The following MICALL2 variants were observed in gnomAD, a reference collection of about 807,000 sequenced individuals.
MICALL2 encodes MICAL-like protein 2.
In MICALL2, 111 loss-of-function variants were observed where a neutral mutation model predicts 91.1. The ratio of observed to expected loss-of-function variants is 1.22; its 90% CI spans 1.04 to 1.43. The LOEUF is 1.43. MICALL2 is among the 40% of genes most tolerant of loss of function. The pLI is 0.00. For synonymous variants in MICALL2, 694 were observed against 525.3 expected (o/e 1.32, Z -4.39); for missense variants, 1,556 against 1,236.0 (o/e 1.26, Z -3.88).
intron 12 of MICALL2, 49 bp from the exon 13 acceptor site, chr7:1,438,029 CCCCCAG>C: frequency 6.4e-7 from 1 of 1,555,146 alleles, no homozygotes. Context: ...GAGTTCATGG[CCCCCAG>C]CCCCAGGACT....
rs1326140762 is a variant in MICALL2, at chr7:1,459,439, C to T, written c.-113G>A. Reference sequence around the variant, plus strand: ...CTGGGACCGCTACGGAACCGCCAGACCCACGGCGCCCAGCCCCAGCTGAGC... The same window carrying T: ...CTGGGACCGCTACGGAACCGCCAGATCCACGGCGCCCAGCCCCAGCTGAGC... On this transcript the variant is annotated 5_prime_UTR_variant, in exon 1 of 17. Transcript: ENST00000297508. 3 of 1,020,896 alleles carry T rather than the reference C, an allele frequency of 2.9e-6. No individual in the cohort carries two copies. Among genetic ancestry groups the T allele is most frequent in the Non-Finnish European group, 3.9e-6 (3 of 765,990 alleles). 63.2% of individuals were successfully genotyped at this position (1,020,896 alleles called of 1,614,324 possible).
chr7:1,435,929 G>A (rs1779945974), intron 15 of MICALL2, among the ~76,000 whole-genome samples: 1 of 151,908 alleles, frequency 6.6e-6, no homozygotes, highest in Admixed American at 6.6e-5. Flanking sequence ...GCGGGCGCCT[G>A]TAGTCCCAGC....
chr7:1,455,104 C>A (rs928060754), intron 1 of MICALL2, among the ~76,000 whole-genome samples: 2 of 152,230 alleles, frequency 1.3e-5, no homozygotes, highest in African/African-American at 4.8e-5. Context: ...CGGCTTCCTG[C>A]GCCACGCACA....
rs757573105 is a variant in MICALL2, at chr7:1,437,967, A to G, written c.2325T>C (p.Asp775=). The change falls in exon 13 of 17, where the codon GAT becomes GAC. Residue 775 remains aspartate (D), a synonymous_variant. Coordinates refer to ENST00000297508, the MANE Select transcript of MICALL2 (RefSeq NM_182924.4). The part of the protein sequence containing the change: ...LRAAEGDDAE[D]SLMVDWFWLI... Reference sequence around the variant, plus strand: ...GCCAGAACCAGTCCACCATGAGGCTATCCTCAGCGTCATCTGGGGAGAGGA... The same window carrying G: ...GCCAGAACCAGTCCACCATGAGGCTGTCCTCAGCGTCATCTGGGGAGAGGA... 10 of 1,550,206 alleles carry G rather than the reference A, an allele frequency of 6.5e-6. No homozygotes were observed. The highest frequency in any genetic ancestry group is 2.0e-5 in the Admixed American group (1 of 51,062).
At position 1,438,151 on chromosome 7, in the gene MICALL2, C is replaced by A. The variant is rs187391312; in HGVS notation, c.2257G>T (p.Ala753Ser). The A allele has an allele frequency of 3.5e-4, 550 of 1,561,414 alleles. 2 individuals are homozygous for A. The African/African-American group carries it at 6.6e-3, about 19-fold the overall frequency. The change falls in exon 12 of 17, where the codon GCC becomes TCC. Residue 753 changes from alanine to serine, a missense_variant. Physicochemically the swap from Ala to Ser is moderately conservative, Grantham distance 99. Coordinates refer to ENST00000297508, the MANE Select transcript of MICALL2 (RefSeq NM_182924.4). ...AGCTCCACGCCGCGGAGCTCCAGGG[C>A]GTCCAGCCGCCTCTCGATGTCCTGC... ...QLQDIERRLD[A>S]LELRGVELEK...
intron 6 of MICALL2, 81 bp from the exon 7 acceptor site, chr7:1,442,565 C>G (rs1780354557): frequency 7.3e-7 from 1 of 1,361,160 alleles, no homozygotes; most frequent in African/African-American, 1.5e-5. Context: ...CCTCTGCCTC[C>G]CTGCAGCTCA....
chr7:1,435,968 C>T (rs1229934002), intron 15 of MICALL2, among the ~76,000 whole-genome samples: 4 of 151,130 alleles, frequency 2.6e-5, no homozygotes, highest in African/African-American at 7.3e-5. Flanking sequence ...AGGAGAATGG[C>T]ATGAACCCTG....
Position 1,438,974 on chromosome 7 carries a change from C to A in MICALL2, c.1988G>T (p.Arg663Leu). The change falls in exon 10 of 17, where the codon CGC (arginine) becomes CTC (leucine). Residue 663 changes from arginine to leucine, a missense_variant. By Grantham distance (102) the Arg-to-Leu change is moderately radical. Coordinates refer to ENST00000297508, the MANE Select transcript of MICALL2 (RefSeq NM_182924.4). ...SLPARSPSPPRRRRLAVPASL... is the reference protein window; with the variant it reads ...SLPARSPSPPLRRRLAVPASL... Reference sequence around the variant, plus strand: ...GGCAGGGACGGCCAGTCTCCTGCGGCGGGGTGGGGAGGGGGACCTGGCTGC... The same window carrying A: ...GGCAGGGACGGCCAGTCTCCTGCGGAGGGGTGGGGAGGGGGACCTGGCTGC... The A allele has an allele frequency of 6.3e-7, 1 of 1,597,224 alleles. No individual in the cohort carries two copies. Among genetic ancestry groups the A allele is most frequent in the Non-Finnish European group, 8.5e-7 (1 of 1,177,630 alleles).
Position 1,452,007 on chromosome 7 carries a change from C to A in MICALL2, c.144-1719G>T, listed in dbSNP as rs1780852085. Among the ~76,000 whole-genome samples the A allele has an allele frequency of 6.6e-6, 1 of 152,178 alleles. No homozygotes were observed. The highest frequency in any genetic ancestry group is 1.5e-5 in the Non-Finnish European group (1 of 68,014). On this transcript the variant is annotated intron_variant, in intron 1 of 16. Transcript: ENST00000297508. This position sits in a 1 kb window ranked among gnomAD's most constrained non-coding sequence, Gnocchi z 6.2. ...GGGGCAGTGGGATGGGGGCTGCAGG[C>A]TGCCCACCTCTCTCCTTAGGAAGCC...
In MICALL2 at chr7:1,445,327, G is replaced by C; in HGVS notation, c.743C>G (p.Ala248Gly). The stretch of plus-strand genomic sequence containing the variant: ...GACCAGACCCGTCAACTTGGGGCTT[G>C]CAGAGGCGGCTGCGGGGAGGTGGCT... Reference protein sequence around the residue: ...CTSHLPAAASASPKLTGLVPR... With the variant: ...CTSHLPAAASGSPKLTGLVPR... The change falls in exon 6 of 17, where the codon GCA becomes GGA. Residue 248 changes from alanine (A) to glycine (G), a missense_variant. Coordinates refer to ENST00000297508, the MANE Select transcript of MICALL2 (RefSeq NM_182924.4). The C allele has an allele frequency of 6.2e-7, 1 of 1,609,484 alleles. No homozygotes were observed. The highest frequency in any genetic ancestry group is 8.5e-7 in the Non-Finnish European group (1 of 1,179,460).
chr7:1,456,585 C>CAAATAAATAAATAAAT lies in MICALL2; in HGVS notation c.143+2583_143+2598dup, dbSNP rs370994107. On this transcript the variant is annotated intron_variant, in intron 1 of 16. Coordinates refer to ENST00000297508, the MANE Select transcript of MICALL2 (RefSeq NM_182924.4). ...TGGGCGACAGAGCTAGACTCTGTCT[C>CAAATAAATAAATAAAT]AAATAAATAAATAAATAAATAAATA... Among the ~76,000 whole-genome samples, 40 of 151,242 alleles carry CAAATAAATAAATAAAT rather than the reference C, an allele frequency of 2.6e-4. No individual in the cohort carries two copies. The South Asian group carries it at 3.8e-3, about 14-fold the overall frequency.
At position 1,438,683 on chromosome 7, in the gene MICALL2, G is replaced by A. The variant is rs200595315; in HGVS notation, c.2122+157C>T. 3.0e-5 allele frequency: 44 copies of A among 1,460,538 alleles called. No individual in the cohort carries two copies. In the East Asian group the frequency reaches 6.0e-4, roughly 20 times the overall value. 90.5% of individuals were successfully genotyped at this position (1,460,538 alleles called of 1,614,324 possible). On this transcript the variant is annotated intron_variant, in intron 10 of 16. Transcript: ENST00000297508. ...AACAGCTAGGGTCTCTATTCATGAGGGCGGGCCTGGGGCACGGGGCTGGGT... is the reference window on the plus strand; with the variant it reads ...AACAGCTAGGGTCTCTATTCATGAGAGCGGGCCTGGGGCACGGGGCTGGGT...
At chr7:1,448,906 C>T (rs1780712970) in intron 2 of MICALL2, 145 bp from the exon 3 acceptor site, 2 of 916,662 alleles carry the variant, frequency 2.2e-6, no homozygotes, top group East Asian at 5.3e-5. Flanking sequence ...GCTCGCGTGG[C>T]CTCCCGGCCT....
In MICALL2 at chr7:1,444,870, C is replaced by T. The variant is rs764510063; in HGVS notation, c.1200G>A (p.Thr400=). Reference sequence around the variant, plus strand: ...ACGGGGTCCAGGCTGGGGGGTCCACCGTGGCTGCAGATGTGGAGCTTGAAC... The same window carrying T: ...ACGGGGTCCAGGCTGGGGGGTCCACTGTGGCTGCAGATGTGGAGCTTGAAC... ...TLSSSSTSAA[T]VDPPAWTPSA... is the part of the protein sequence containing the mutation. Residue 400 remains threonine (T), a synonymous_variant, in exon 6 of 17, where the codon ACG becomes ACA. Coordinates refer to ENST00000297508, the MANE Select transcript of MICALL2 (RefSeq NM_182924.4). 12 of 1,597,122 alleles carry T rather than the reference C, an allele frequency of 7.5e-6. No individual in the cohort carries two copies. Among genetic ancestry groups the T allele is most frequent in the Middle Eastern group, 1.7e-4 (1 of 5,942 alleles).
Position 1,444,832 on chromosome 7 carries a change from G to A in MICALL2, c.1238C>T (p.Thr413Ile). 3 of 1,609,522 alleles carry A rather than the reference G, an allele frequency of 1.9e-6. No individual in the cohort carries two copies. Among genetic ancestry groups the A allele is most frequent in the South Asian group, 1.1e-5 (1 of 90,954 alleles). ...GAAAAACTTATTCCGGGCCTGCTGGGTCCTGGAGGCGGACGGGGTCCAGGC... is the reference window on the plus strand; with the variant it reads ...GAAAAACTTATTCCGGGCCTGCTGGATCCTGGAGGCGGACGGGGTCCAGGC... ...PPAWTPSASR[T>I]QQARNKFFQT... is the part of the protein sequence containing the mutation. The change falls in exon 6 of 17, where the codon ACC becomes ATC. Residue 413 changes from threonine to isoleucine, a missense_variant. Physicochemically the swap from Thr to Ile is moderately conservative, Grantham distance 89. Transcript: ENST00000297508.
chr7:1,440,547 C>A, intron 8 of MICALL2, 44 bp downstream of exon 8: 1 of 1,526,070 alleles, frequency 6.6e-7, no homozygotes, highest in South Asian at 1.1e-5. Context: ...TTATTAAGCA[C>A]CTATGGTGTA....
chr7:1,437,001 G>A, intron 14 of MICALL2, 145 bp from the exon 15 acceptor site: 1 of 550,972 alleles, frequency 1.8e-6, no homozygotes, highest in Non-Finnish European at 3.1e-6. Context: ...GAATGAATGA[G>A]TGAATAAGTG....
At chr7:1,458,761 C>G (rs923910616) in intron 1 of MICALL2, among the ~76,000 whole-genome samples, 3 of 152,354 alleles carry the variant, frequency 2.0e-5, no homozygotes, top group Non-Finnish European at 4.4e-5. Flanking sequence ...CTGGCCACAT[C>G]CCCCCAGGGG....
chr7:1,450,872 G>A (rs1054323977), intron 1 of MICALL2, among the ~76,000 whole-genome samples: 10 of 152,180 alleles, frequency 6.6e-5, no homozygotes, highest in African/African-American at 2.2e-4. Context: ...TGCAGTGAAG[G>A]GTGTCCTTCT....
Sources: gnomAD v4.1 joint callset for allele counts (sites outside exome capture counted in the v4.1 genomes callset) on GRCh38, gnomAD v4.1.1 for gene constraint, Gnocchi (gnomAD v3.1) non-coding constraint, MANE v1.5 for transcripts, NCBI Gene and HGNC (gene_info 2026-07-23, HGNC 2026-07-21) for gene names.